The following ARPC1A variants were observed in gnomAD, a reference collection of about 807,000 sequenced individuals.
ARPC1A encodes the protein actin-related protein 2/3 complex subunit 1A.
In ARPC1A, 8 loss-of-function variants were observed where a neutral mutation model predicts 46.9. The observed-to-expected ratio is 0.17, with a 90% CI of 0.10 to 0.31. The LOEUF is 0.31. ARPC1A is among the 10% of genes least tolerant of loss of function. ARPC1A has a pLI of 1.00. For missense variants in ARPC1A, 286 were observed against 483.6 expected (o/e 0.59, Z 3.83); for synonymous variants, 152 against 169.0 (o/e 0.90, Z 0.78).
At position 99,338,712 on chromosome 7, in the gene ARPC1A, C is replaced by G. The variant is rs2286073; in HGVS notation, c.169+427C>G. On this transcript the variant is annotated intron_variant, in intron 3 of 9. Coordinates refer to ENST00000262942, the MANE Select transcript of ARPC1A (RefSeq NM_006409.4). ...AATATTTAAAGTCATGCAGCACTTACTGAATTTCCTTAAAATTTTAAAGAA... is the reference window on the plus strand; with the variant it reads ...AATATTTAAAGTCATGCAGCACTTAGTGAATTTCCTTAAAATTTTAAAGAA... Among the ~76,000 whole-genome samples, 5 of 152,138 alleles carry G rather than the reference C, an allele frequency of 3.3e-5. No individual in the cohort carries two copies. In the East Asian group the frequency reaches 9.7e-4, roughly 29 times the overall value.
intron 4 of ARPC1A, among the ~76,000 whole-genome samples, chr7:99,347,226 C>T (rs1250563932): frequency 6.6e-6 from 1 of 152,156 alleles, no homozygotes; most frequent in Non-Finnish European, 1.5e-5. Flanking sequence ...TGCACCACCA[C>T]ACCTGGCTAA....
intron 1 of ARPC1A, among the ~76,000 whole-genome samples, chr7:99,332,626 CAG>C (rs1793162544): frequency 6.8e-6 from 1 of 146,986 alleles, no homozygotes; most frequent in Non-Finnish European, 1.5e-5. Context: ...TTTTTTGAGA[CAG>C]AATCTCACTG....
intron 6 of ARPC1A, among the ~76,000 whole-genome samples, chr7:99,357,511 G>A (rs913555953): frequency 6.9e-6 from 1 of 145,778 alleles, no homozygotes; most frequent in Non-Finnish European, 1.5e-5. Flanking sequence ...TTAATTTTTC[G>A]TAGAGACTGG....
At chr7:99,329,720 A>G (rs542237531) in intron 1 of ARPC1A, among the ~76,000 whole-genome samples, 1 of 152,302 alleles carries the variant, frequency 6.6e-6, no homozygotes, top group South Asian at 2.1e-4. Flanking sequence ...GTAAATGGCC[A>G]CCTCTTTTGA....
In ARPC1A at chr7:99,350,631, C is replaced by CTTTTT. The variant is rs540737612; in HGVS notation, c.500+1700_500+1704dup. 2.1e-4 allele frequency among the ~76,000 whole-genome samples: 14 copies of CTTTTT among 67,566 alleles called. 1 individual carries two copies. Among genetic ancestry groups the CTTTTT allele is most frequent in the East Asian group, 5.7e-4 (1 of 1,748 alleles). The allele number at this position is 67,566 out of a possible 152,430, so 44.3% of individuals were successfully genotyped here. ...ATGGTAGGTTGGGAGATGAGGTGCACTTTTTTTTTTTTTTTTTTTTTTTTT... is the reference window on the plus strand; with the variant it reads ...ATGGTAGGTTGGGAGATGAGGTGCACTTTTTTTTTTTTTTTTTTTTTTTTTTTTTT... On this transcript the variant is annotated intron_variant, in intron 5 of 9. Coordinates refer to ENST00000262942, the MANE Select transcript of ARPC1A (RefSeq NM_006409.4).
chr7:99,359,450 A>G (rs918376278), intron 7 of ARPC1A, 95 bp from the exon 8 acceptor site: 73 of 1,282,578 alleles, frequency 5.7e-5, no homozygotes, highest in Non-Finnish European at 7.6e-5. Flanking sequence ...AAAAAAAAAA[A>G]AAAGAGTAAG....
At chr7:99,353,859 A>G (rs1299968494) in intron 5 of ARPC1A, 50 bp from the exon 6 acceptor site, 2 of 1,560,840 alleles carry the variant, frequency 1.3e-6, no homozygotes, top group Non-Finnish European at 1.8e-6. Flanking sequence ...CTGTTTCTAT[A>G]TACATATATT....
At chr7:99,329,117 G>A (rs1241421356) in intron 1 of ARPC1A, among the ~76,000 whole-genome samples, 1 of 151,956 alleles carries the variant, frequency 6.6e-6, no homozygotes, top group African/African-American at 2.4e-5. Flanking sequence ...TGGCTAACAC[G>A]GTGAAACCCC....
At chr7:99,356,240 C>T (rs17161692) in intron 6 of ARPC1A, among the ~76,000 whole-genome samples, 18,476 of 152,178 alleles carry the variant, frequency 0.12, 1,556 homozygotes, top group East Asian at 0.35. Flanking sequence ...CATGATATTT[C>T]AGACATGATA....
intron 3 of ARPC1A, among the ~76,000 whole-genome samples, chr7:99,342,544 CAAAA>C (rs969311370): frequency 1.4e-5 from 2 of 140,250 alleles, no homozygotes; most frequent in African/African-American, 2.6e-5. Context: ...GACCCTGTCT[CAAAA>C]AAAAAAATCT....
chr7:99,328,736 G>A (rs1358845604), intron 1 of ARPC1A, among the ~76,000 whole-genome samples: 2 of 152,058 alleles, frequency 1.3e-5, no homozygotes, highest in East Asian at 3.9e-4. Flanking sequence ...GATCACTTGA[G>A]CCCAGGAGTT....
intron 3 of ARPC1A, among the ~76,000 whole-genome samples, chr7:99,343,281 C>T (rs1039745856): frequency 5.3e-5 from 8 of 151,980 alleles, no homozygotes; most frequent in Non-Finnish European, 1.2e-4. Context: ...GCCTGGTCAA[C>T]ATGGTGAAAC....
chr7:99,355,063 A>C (rs997440930), intron 6 of ARPC1A, among the ~76,000 whole-genome samples: 2 of 151,436 alleles, frequency 1.3e-5, no homozygotes, highest in African/African-American at 4.9e-5. Flanking sequence ...GCAGTGAGCC[A>C]AGATTGCACC....
In ARPC1A at chr7:99,338,224, G is replaced by A. The variant is rs1460702509; in HGVS notation, c.108G>A (p.Lys36=). ...ATAATCACGAAGTGCACATCTATAA[G>A]AAGAACGGGAGCCAGTGGGTGAAAG... ...SPNNHEVHIY[K]KNGSQWVKAH... The change falls in exon 3 of 10, where the codon AAG becomes AAA. Residue 36 remains lysine (K), a synonymous_variant. Transcript: ENST00000262942. 1 of 1,613,376 alleles carries A rather than the reference G, an allele frequency of 6.2e-7. No homozygotes were observed. Among genetic ancestry groups the A allele is most frequent in the African/African-American group, 1.3e-5 (1 of 74,838 alleles).
chr7:99,337,673 T>C (rs914656853), intron 2 of ARPC1A, among the ~76,000 whole-genome samples: 3 of 152,192 alleles, frequency 2.0e-5, no homozygotes, highest in Non-Finnish European at 4.4e-5. Context: ...GGCTTTATTG[T>C]AAAGGAGAAT....
At chr7:99,360,656 G>C (rs2150874754) in intron 8 of ARPC1A, among the ~76,000 whole-genome samples, 1 of 152,250 alleles carries the variant, frequency 6.6e-6, no homozygotes, top group African/African-American at 2.4e-5. Flanking sequence ...GTCTAGAGGA[G>C]AGGCTGGGCA....
At chr7:99,341,747 C>T (rs1357878515) in intron 3 of ARPC1A, among the ~76,000 whole-genome samples, 2 of 151,962 alleles carry the variant, frequency 1.3e-5, no homozygotes, top group Non-Finnish European at 2.9e-5. Context: ...TTTCCCTCTA[C>T]TTCTCTTTTG....
intron 3 of ARPC1A, 40 bp downstream of exon 3, chr7:99,338,325 A>G (rs748710854): frequency 1.4e-6 from 2 of 1,455,140 alleles, no homozygotes; most frequent in South Asian, 1.2e-5. Context: ...GATATTTCCA[A>G]ATCAGGCACT....
In ARPC1A at chr7:99,365,140, A is replaced by G. The variant is rs56144997; in HGVS notation, c.1075-751A>G. Among the ~76,000 whole-genome samples the G allele has an allele frequency of 8.1e-3, 1,240 of 152,272 alleles. 18 individuals carry two copies. Among genetic ancestry groups the G allele is most frequent in the African/African-American group, 0.026 (1,096 of 41,554 alleles). On this transcript the variant is annotated intron_variant, in intron 9 of 9. Transcript: ENST00000262942. ...CCGTGCTGTGGTCCTCCGGAAGCAC[A>G]GATGGAGCTAGAAAAAAGAGCTCTA...
Sources: allele counts gnomAD v4.1 joint callset (sites outside exome capture counted in the v4.1 genomes callset), GRCh38; gene constraint gnomAD v4.1.1; transcripts MANE v1.5; gene names NCBI Gene and HGNC (gene_info 2026-07-23, HGNC 2026-07-21).